Variants in C6 observed in about 807,000 individuals in gnomAD.
The protein encoded by C6 is complement C6.
Under a neutral mutation model 112.9 loss-of-function variants are expected in C6, and 101 were observed. That is an observed-to-expected ratio of 0.89 (90% CI 0.76 to 1.06). C6 has a LOEUF of 1.06. C6 is among the 50% of genes least tolerant of loss of function. C6 has a pLI of 0.00. For missense variants in C6, 1,202 were observed against 1,104.6 expected, an observed-to-expected ratio of 1.09 and a Z score of -1.25; for synonymous variants, 431 against 384.1, an observed-to-expected ratio of 1.12 and a Z score of -1.43.
chr5:41,142,900 G>C lies in C6; in HGVS notation c.2730C>G (p.Asn910Lys), dbSNP rs2150210279. 12 of 1,613,466 alleles carry C rather than the reference G, an allele frequency of 7.4e-6. No individual in the cohort carries two copies. The highest frequency in any genetic ancestry group is 1.0e-5 in the Non-Finnish European group (12 of 1,179,564). The change falls in exon 18 of 18, where the codon AAC (asparagine) becomes AAG (lysine). Residue 910 changes from asparagine to lysine, a missense_variant. Physicochemically the swap from Asn to Lys is moderately conservative, Grantham distance 94. Transcript: ENST00000337836. ...ATCTTATAGTTCCCACTTCACAGATGTTCAATGTTTTCTCACTTGTTGATG... is the reference window on the plus strand; with the variant it reads ...ATCTTATAGTTCCCACTTCACAGATCTTCAATGTTTTCTCACTTGTTGATG... ...MGSSTSEKTL[N>K]ICEVGTIRCA...
intron 5 of C6, among the ~76,000 whole-genome samples, chr5:41,186,707 C>A (rs1355888015): frequency 6.6e-6 from 1 of 151,670 alleles, no homozygotes; most frequent in Admixed American, 6.6e-5. Context: ...TTAACAAATG[C>A]TTATATACTA....
At chr5:41,203,309 G>C in intron 1 of C6, 59 bp from the exon 2 acceptor site, 1 of 1,525,454 alleles carries the variant, frequency 6.6e-7, no homozygotes. Flanking sequence ...ACCTTCACAA[G>C]TCATCCTGAG....
chr5:41,256,908 A>T (rs562254914), intron 1 of C6, among the ~76,000 whole-genome samples: 2 of 152,132 alleles, frequency 1.3e-5, no homozygotes, highest in Non-Finnish European at 2.9e-5. Flanking sequence ...CCCAAGTCCA[A>T]TGAGGTGTGT....
At chr5:41,149,136 A>G in intron 17 of C6, 105 bp downstream of exon 17, 1 of 1,373,176 alleles carries the variant, frequency 7.3e-7, no homozygotes, top group Non-Finnish European at 1.0e-6. Flanking sequence ...TACAATGAAA[A>G]GGAATTATTT....
chr5:41,203,209 A>G lies in C6; in HGVS notation c.22T>C (p.Tyr8His). The G allele has an allele frequency of 6.2e-7, 1 of 1,614,166 alleles. No homozygotes were observed. The highest frequency in any genetic ancestry group is 8.5e-7 in the Non-Finnish European group (1 of 1,179,966). MARRSVL[Y>H]FILLNALINK... ...ATCAGAGCATTCAGCAGGATGAAGTACAAGACAGAGCGTCTGGCCATGCCT... is the reference window on the plus strand; with the variant it reads ...ATCAGAGCATTCAGCAGGATGAAGTGCAAGACAGAGCGTCTGGCCATGCCT... Residue 8 changes from tyrosine (Y) to histidine (H), a missense_variant, in exon 2 of 18, where the codon TAC becomes CAC. Tyr to His is a moderately conservative substitution (Grantham distance 83). Coordinates refer to ENST00000337836, the MANE Select transcript of C6 (RefSeq NM_000065.5).
At chr5:41,182,681 A>T (rs1294646241) in intron 6 of C6, among the ~76,000 whole-genome samples, 1 of 152,252 alleles carries the variant, frequency 6.6e-6, no homozygotes, top group Non-Finnish European at 1.5e-5. Context: ...AGGTTTGCAT[A>T]GCTGCCTGCT....
At chr5:41,242,428 T>G (rs1193457333) in intron 1 of C6, among the ~76,000 whole-genome samples, 1 of 151,608 alleles carries the variant, frequency 6.6e-6, no homozygotes, top group African/African-American at 2.4e-5. Context: ...AATGTGGAAC[T>G]GTGAGTCAAT....
Position 41,248,018 on chromosome 5 carries a change from G to A in C6, c.-21+13176C>T, listed in dbSNP as rs574516593. On this transcript the variant is annotated intron_variant, in intron 1 of 17. Transcript: ENST00000263413. ...TGGAACAGAACAGAGAACCCAGCTT[G>A]TATGCCTATAGCCATTTAATCTTCA... 4.6e-5 allele frequency among the ~76,000 whole-genome samples: 7 copies of A among 152,158 alleles called. No individual in the cohort carries two copies. In the East Asian group the frequency reaches 1.4e-3, roughly 29 times the overall value.
At chr5:41,219,941 T>C (rs946500381) in intron 1 of C6, among the ~76,000 whole-genome samples, 5 of 152,188 alleles carry the variant, frequency 3.3e-5, no homozygotes, top group Admixed American at 6.6e-5. Context: ...ATCATCTTTC[T>C]ACATATTATC....
At chr5:41,166,772 A>G (rs1748013952) in intron 9 of C6, among the ~76,000 whole-genome samples, 2 of 152,146 alleles carry the variant, frequency 1.3e-5, no homozygotes, top group African/African-American at 2.4e-5. Context: ...GTAATCAGGT[A>G]AGACTTCTTG....
Position 41,150,055 on chromosome 5 carries a change from C to T in C6, c.2291-30G>A, listed in dbSNP as rs187907460. 1.7e-5 allele frequency: 23 copies of T among 1,330,248 alleles called. No homozygotes were observed. In the African/African-American group the frequency reaches 2.7e-4, roughly 16 times the overall value. 82.4% of individuals were successfully genotyped at this position (1,330,248 alleles called of 1,614,324 possible). On this transcript the variant is annotated intron_variant, in intron 15 of 17. Coordinates refer to ENST00000337836, the MANE Select transcript of C6 (RefSeq NM_000065.5). ...AACAAAAGAAAAAAGGAGAAAAGAA[C>T]AGTGCACAGCATGGATTCTAAGTGA...
rs564446668 is a variant in C6, at chr5:41,153,593, C to T, written c.2290+217G>A. On this transcript the variant is annotated intron_variant, in intron 15 of 17. Transcript: ENST00000337836. ...GTTAACTTTCTCCCTTTCTTTCACA[C>T]GTTATAAAAGCCCAGAAGAGAATAA... 1.2e-3 allele frequency among the ~76,000 whole-genome samples: 188 copies of T among 152,272 alleles called. 1 individual carries two copies. The highest frequency in any genetic ancestry group is 4.4e-3 in the African/African-American group (183 of 41,554).
At chr5:41,216,537 C>A (rs772846003), upstream of C6, among the ~76,000 whole-genome samples, 2 of 152,058 alleles carry the variant, frequency 1.3e-5, no homozygotes, top group Non-Finnish European at 2.9e-5. Flanking sequence ...TTCTAATGTT[C>A]AGACAGATAA....
chr5:41,174,043 A>G (rs1748644477), intron 8 of C6, among the ~76,000 whole-genome samples: 1 of 152,212 alleles, frequency 6.6e-6, no homozygotes, highest in African/African-American at 2.4e-5. Context: ...ATTTATAAGT[A>G]ATAATTAAAT....
In C6 at chr5:41,218,935, C is replaced by T. The variant is rs115824103; in HGVS notation, c.-20-15685G>A. Reference sequence around the variant, plus strand: ...TTCTCTTGTGTTTCATAAGGCCCACCTTTTCCTTCTAGTAAACTATACTTT... The same window carrying T: ...TTCTCTTGTGTTTCATAAGGCCCACTTTTTCCTTCTAGTAAACTATACTTT... On this transcript the variant is annotated intron_variant, in intron 1 of 17. Coordinates refer to the C6 transcript ENST00000263413. Among the ~76,000 whole-genome samples, 185 of 152,280 alleles carry T rather than the reference C, an allele frequency of 1.2e-3. 1 individual carries two copies. Among genetic ancestry groups the T allele is most frequent in the African/African-American group, 4.3e-3 (180 of 41,564 alleles).
rs1383403221 is a variant in C6 at position 41,161,701 on chromosome 5, C to T, written c.1450G>A (p.Asp484Asn). The change falls in exon 10 of 18, where the codon GAC (aspartate) becomes AAC (asparagine). Residue 484 changes from aspartate to asparagine, a missense_variant. Transcript: ENST00000337836. ...ATAATTTTTACTCTTACCTCAAAGT[C>T]AATCACAGCAGGATTTTCCTTCACT... is the stretch of plus-strand genomic sequence containing the variant. ...ESVKENPAVI[D>N]FELAPIVDLV... is the part of the protein sequence containing the mutation. The T allele has an allele frequency of 3.7e-6, 6 of 1,613,150 alleles. No individual in the cohort carries two copies. Among genetic ancestry groups the T allele is most frequent in the African/African-American group, 2.7e-5 (2 of 74,882 alleles).
At chr5:41,163,180 A>T (rs1316146929) in intron 9 of C6, among the ~76,000 whole-genome samples, 1 of 152,136 alleles carries the variant, frequency 6.6e-6, no homozygotes, top group Non-Finnish European at 1.5e-5. Flanking sequence ...AAAAACTAGT[A>T]AAAGACAGAA....
At chr5:41,204,659 C>CTTTTTTTTTTTT (rs56809256) in intron 1 of C6, among the ~76,000 whole-genome samples, 1 of 133,330 alleles carries the variant, frequency 7.5e-6, no homozygotes, top group Non-Finnish European at 1.5e-5. Context: ...AATCAGTAAG[C>CTTTTTTTTTTTT]TTTTTTTTTT....
Position 41,158,690 on chromosome 5 carries a change from T to C in C6, c.1952A>G (p.Glu651Gly), listed in dbSNP as rs1747159238. ...GATGCTGACCCGGATAAATCCATTT[T>C]CTGGAGGAACTGGCTGAGGACACCC... ...DSGCPQPVPP[E>G]NGFIRNEKQL... Residue 651 changes from glutamate (E) to glycine (G), a missense_variant, in exon 13 of 18, where the codon GAA becomes GGA. By Grantham distance (98) the Glu-to-Gly change is moderately conservative (BLOSUM62 -2). Coordinates refer to ENST00000337836, the MANE Select transcript of C6 (RefSeq NM_000065.5). 6.2e-7 allele frequency: 1 copy of C among 1,605,950 alleles called. No individual in the cohort carries two copies. Among genetic ancestry groups the C allele is most frequent in the African/African-American group, 1.3e-5 (1 of 74,866 alleles).
Sources: allele counts gnomAD v4.1 joint callset (sites outside exome capture counted in the v4.1 genomes callset), GRCh38; gene constraint gnomAD v4.1.1; transcripts MANE v1.5; gene names NCBI Gene and HGNC (gene_info 2026-07-23, HGNC 2026-07-21).